NRG3: variants seen among roughly 807,000 people sequenced by gnomAD.
NRG3 encodes pro-neuregulin-3, membrane-bound isoform.
NRG3 carries 31 observed loss-of-function variants against 66.9 expected under a neutral mutation model. That is an observed-to-expected ratio of 0.46 (90% confidence interval 0.35 to 0.63). The LOEUF is 0.63. NRG3 is among the 20% of genes least tolerant of loss of function. NRG3 has a pLI of 0.00. For missense variants in NRG3, 910 were observed against 878.9 expected, an observed-to-expected ratio of 1.04 and a Z score of -0.45; for synonymous variants, 393 against 359.4, an observed-to-expected ratio of 1.09 and a Z score of -1.06.
chr10:82,647,184 G>A (rs2051009682), intron 2 of NRG3, among the ~76,000 whole-genome samples: 1 of 151,824 alleles, frequency 6.6e-6, no homozygotes, highest in Admixed American at 6.6e-5. Context: ...TCCCCAGAGT[G>A]TGATGTTCCC....
At chr10:82,482,944 T>G (rs1842399272) in intron 2 of NRG3, among the ~76,000 whole-genome samples, 1 of 152,134 alleles carries the variant, frequency 6.6e-6, no homozygotes, top group South Asian at 2.1e-4. Context: ...TAAATCTTAC[T>G]GTAGACAAGC....
intron 3 of NRG3, among the ~76,000 whole-genome samples, chr10:82,860,144 G>T (rs1591754363): frequency 6.6e-6 from 1 of 152,302 alleles, no homozygotes; most frequent in South Asian, 2.1e-4. Flanking sequence ...TCGTTGTGAA[G>T]AAATTTCCCC....
intron 1 of NRG3, among the ~76,000 whole-genome samples, chr10:81,955,585 A>G (rs1849752550): frequency 6.6e-6 from 1 of 152,210 alleles, no homozygotes; most frequent in Non-Finnish European, 1.5e-5. Flanking sequence ...ACTAGATTTC[A>G]TTACAGCATC....
In NRG3 at chr10:82,366,599, AT is replaced by A. The variant is rs138808880; in HGVS notation, c.953+7732del. Among the ~76,000 whole-genome samples, 1,391 of 152,330 alleles carry A rather than the reference AT, an allele frequency of 9.1e-3. 15 individuals carry two copies. Among genetic ancestry groups the A allele is most frequent in the African/African-American group, 0.031 (1,297 of 41,566 alleles). ...TCCTACTTAATCAGCGTAACGGGCC[AT>A]AATTGTGTCAATAACATGAAATTGT... On this transcript the variant is annotated intron_variant, in intron 2 of 8. Coordinates refer to ENST00000372141, the MANE Select transcript of NRG3 (RefSeq NM_001010848.4).
chr10:82,631,825 G>A (rs1452004939), intron 2 of NRG3, among the ~76,000 whole-genome samples: 1 of 152,094 alleles, frequency 6.6e-6, no homozygotes, highest in Non-Finnish European at 1.5e-5. Flanking sequence ...CCCATGGCCA[G>A]GTGTGGTGGC....
At chr10:82,848,689 A>C (rs933915244) in intron 3 of NRG3, among the ~76,000 whole-genome samples, 3 of 152,162 alleles carry the variant, frequency 2.0e-5, no homozygotes, top group African/African-American at 7.2e-5. Flanking sequence ...CCCAAATTTC[A>C]TCTTGAACCG....
intron 4 of NRG3, among the ~76,000 whole-genome samples, chr10:82,878,142 G>C (rs539283850): frequency 1.3e-5 from 2 of 152,240 alleles, no homozygotes; most frequent in East Asian, 3.9e-4. Context: ...AAATATGAGA[G>C]AGAGGGAAAA....
intron 1 of NRG3, among the ~76,000 whole-genome samples, chr10:82,234,502 C>G (rs900151744): frequency 1.3e-5 from 2 of 152,164 alleles, no homozygotes; most frequent in African/African-American, 4.8e-5. Flanking sequence ...GGTTTTCTCA[C>G]CATCAGATCT....
chr10:82,488,574 A>G (rs955404648), intron 2 of NRG3, among the ~76,000 whole-genome samples: 7 of 152,208 alleles, frequency 4.6e-5, no homozygotes, highest in Admixed American at 1.3e-4. Flanking sequence ...AATAACTACA[A>G]TCTCCACTGA....
intron 3 of NRG3, among the ~76,000 whole-genome samples, chr10:82,834,257 A>G (rs1227082653): frequency 1.3e-5 from 2 of 152,186 alleles, no homozygotes; most frequent in East Asian, 3.9e-4. Context: ...CTGATTTTTT[A>G]ATCTATCCTT....
intron 4 of NRG3, among the ~76,000 whole-genome samples, chr10:82,910,906 A>C (rs2131969730): frequency 1.3e-5 from 2 of 152,364 alleles, no homozygotes; most frequent in Non-Finnish European, 2.9e-5. Flanking sequence ...CTGAAGACAC[A>C]GTTGTGCGTG....
chr10:81,992,497 C>A (rs2133584695), intron 1 of NRG3, among the ~76,000 whole-genome samples: 1 of 152,298 alleles, frequency 6.6e-6, no homozygotes, highest in Admixed American at 6.5e-5. Flanking sequence ...TAGATAGTTT[C>A]AAGTAAATAA....
intron 4 of NRG3, among the ~76,000 whole-genome samples, chr10:82,904,350 A>G (rs796568839): frequency 6.6e-6 from 1 of 152,326 alleles, no homozygotes; most frequent in African/African-American, 2.4e-5. Context: ...TGGTAATCAC[A>G]GTGCCTCTTT....
chr10:82,374,034 G>A (rs929278538), intron 2 of NRG3, among the ~76,000 whole-genome samples: 1 of 151,888 alleles, frequency 6.6e-6, no homozygotes. Flanking sequence ...CTGTGCTTCC[G>A]GAACCTACCA....
chr10:81,980,801 T>TG (rs1233271519), intron 1 of NRG3, among the ~76,000 whole-genome samples: 2 of 152,236 alleles, frequency 1.3e-5, no homozygotes. Flanking sequence ...ACCTCTGGCT[T>TG]GGCCTGCAGA....
At chr10:82,707,004 A>G (rs1040066445) in intron 2 of NRG3, among the ~76,000 whole-genome samples, 1 of 114,492 alleles carries the variant, frequency 8.7e-6, no homozygotes, top group South Asian at 2.8e-4. Flanking sequence ...AAAAAAAAAA[A>G]ATAAAATAAA....
At position 81,926,668 on chromosome 10, in the gene NRG3, T is replaced by G. The variant is rs576629731; in HGVS notation, c.823+50505T>G. On this transcript the variant is annotated intron_variant, in intron 1 of 8. Coordinates refer to ENST00000372141, the MANE Select transcript of NRG3 (RefSeq NM_001010848.4). Reference sequence around the variant, plus strand: ...TCTTTTATTGTGGAAGTCCTACTTATTAACCCTGCCTTCCCAAATCAGTTA... The same window carrying G: ...TCTTTTATTGTGGAAGTCCTACTTAGTAACCCTGCCTTCCCAAATCAGTTA... Among the ~76,000 whole-genome samples, 176 of 152,308 alleles carry G rather than the reference T, an allele frequency of 1.2e-3. 1 individual carries two copies. Among genetic ancestry groups the G allele is most frequent in the Middle Eastern group, 0.01 (3 of 294 alleles).
At chr10:82,920,694 G>T (rs759729081) in intron 4 of NRG3, among the ~76,000 whole-genome samples, 1 of 152,086 alleles carries the variant, frequency 6.6e-6, no homozygotes, top group Non-Finnish European at 1.5e-5. Context: ...AGCTGGAGCA[G>T]CTTGCCAGGA....
chr10:82,947,920 T>A (rs1261059454), intron 4 of NRG3, among the ~76,000 whole-genome samples: 1 of 152,114 alleles, frequency 6.6e-6, no homozygotes, highest in Non-Finnish European at 1.5e-5. Context: ...TGTTGATAGA[T>A]AAAGTCCATT....
Sources: allele counts gnomAD v4.1 joint callset (sites outside exome capture counted in the v4.1 genomes callset), GRCh38; gene constraint gnomAD v4.1.1; transcripts MANE v1.5; gene names NCBI Gene and HGNC (gene_info 2026-07-23, HGNC 2026-07-21).